The following SUSD1 variants were observed in gnomAD, a reference collection of about 807,000 sequenced individuals.
SUSD1 encodes the protein sushi domain-containing protein 1.
In SUSD1, 65 loss-of-function variants were observed where a neutral mutation model predicts 86.9. The ratio of observed to expected loss-of-function variants is 0.75; its 90% CI spans 0.61 to 0.92. SUSD1 has a LOEUF of 0.92. Ranked by LOEUF, SUSD1 falls within the 40% of genes least tolerant of loss-of-function variation. SUSD1 has a pLI of 0.00. For synonymous variants in SUSD1, 346 were observed against 350.0 expected, an observed-to-expected ratio of 0.99 and a Z score of 0.13; for missense variants, 850 against 929.7, an observed-to-expected ratio of 0.91 and a Z score of 1.11.
chr9:112,153,612 C>CT lies in SUSD1; in HGVS notation c.217+3887dup, dbSNP rs373913503. 8.1e-3 allele frequency among the ~76,000 whole-genome samples: 1,058 copies of CT among 130,586 alleles called. 19 individuals are homozygous for CT. Among genetic ancestry groups the CT allele is most frequent in the African/African-American group, 0.022 (748 of 34,250 alleles). The allele number at this position is 130,586 out of a possible 152,430, so 85.7% of individuals were successfully genotyped here. On this transcript the variant is annotated intron_variant, in intron 2 of 16. Transcript: ENST00000374270. ...TCATTTTCAAGTATTACATACTATA[C>CT]TTTTTTTTTTTTTTTTTTGAGACGG... is the stretch of plus-strand genomic sequence containing the variant.
intron 8 of SUSD1, among the ~76,000 whole-genome samples, chr9:112,107,706 T>C (rs1265820634): frequency 6.6e-6 from 1 of 152,152 alleles, no homozygotes; most frequent in Non-Finnish European, 1.5e-5. Context: ...CAACATATAA[T>C]TCAAGGCAAA....
At chr9:112,089,120 T>C (rs1458455397) in intron 10 of SUSD1, among the ~76,000 whole-genome samples, 1 of 150,912 alleles carries the variant, frequency 6.6e-6, no homozygotes. Context: ...AACAAACAAA[T>C]AAACAAACAA....
chr9:112,168,113 T>C (rs1263803049), intron 1 of SUSD1, among the ~76,000 whole-genome samples: 2 of 152,158 alleles, frequency 1.3e-5, no homozygotes, highest in Non-Finnish European at 2.9e-5. Flanking sequence ...AGCCAAACCA[T>C]ATCAATGAGT....
At chr9:112,149,927 G>T (rs1832972737) in intron 2 of SUSD1, among the ~76,000 whole-genome samples, 1 of 152,230 alleles carries the variant, frequency 6.6e-6, no homozygotes, top group South Asian at 2.1e-4. Flanking sequence ...AATGGTCAAT[G>T]ACCTGTGGTG....
intron 14 of SUSD1, among the ~76,000 whole-genome samples, chr9:112,053,984 G>T (rs991562538): frequency 6.6e-6 from 1 of 152,220 alleles, no homozygotes; most frequent in Non-Finnish European, 1.5e-5. Flanking sequence ...TGATGATCTG[G>T]ATAAGAAGGT....
chr9:112,149,738 T>C (rs1250638776), intron 2 of SUSD1, among the ~76,000 whole-genome samples: 1 of 152,160 alleles, frequency 6.6e-6, no homozygotes, highest in Non-Finnish European at 1.5e-5. Context: ...ACCAGCAGAA[T>C]TCCCCTTTTC....
intron 1 of SUSD1, chr9:112,174,012 G>T: frequency 6.1e-6 from 1 of 164,504 alleles, no homozygotes; most frequent in South Asian, 1.4e-4. Context: ...GCCTAGAACT[G>T]GCTAGACCCA....
rs1832939470 is a variant in SUSD1 at position 112,149,237 on chromosome 9, T to TGA, written c.373+5_373+6dup. 1.9e-6 allele frequency: 3 copies of TGA among 1,613,976 alleles called. No individual in the cohort carries two copies. The highest frequency in any genetic ancestry group is 2.5e-6 in the Non-Finnish European group (3 of 1,179,874). On this transcript the variant is annotated splice_region_variant and intron_variant, in intron 3 of 16. Coordinates refer to ENST00000374270, the MANE Select transcript of SUSD1 (RefSeq NM_022486.5). The stretch of plus-strand genomic sequence containing the variant: ...ATTGTCAACACCGCAGCCCCCTTCT[T>TGA]GAGTACCTGTACAAAAGGTGCCATC...
chr9:112,174,710 T>G (rs1432344472), intron 1 of SUSD1, among the ~76,000 whole-genome samples: 1 of 152,104 alleles, frequency 6.6e-6, no homozygotes, highest in Non-Finnish European at 1.5e-5. Flanking sequence ...GAAAATTGCT[T>G]CGGGTCAAAA....
At chr9:112,097,312 G>A (rs1028011115) in intron 10 of SUSD1, among the ~76,000 whole-genome samples, 2 of 150,328 alleles carry the variant, frequency 1.3e-5, no homozygotes, top group Non-Finnish European at 3.0e-5. Flanking sequence ...GTGACAGAGC[G>A]AGACTCCATC....
intron 12 of SUSD1, among the ~76,000 whole-genome samples, chr9:112,073,675 G>T (rs868158382): frequency 1.3e-5 from 2 of 152,090 alleles, no homozygotes; most frequent in Middle Eastern, 3.4e-3. Flanking sequence ...ATCACTTGAG[G>T]TCAGGAGTTT....
intron 10 of SUSD1, among the ~76,000 whole-genome samples, chr9:112,091,251 C>T (rs1429893): frequency 0.64 from 97,693 of 152,088 alleles, 32,137 homozygotes; most frequent in East Asian, 0.78. Flanking sequence ...ATATTTATCA[C>T]TCTGTGGAAA....
rs1372546837 is a variant in SUSD1, at chr9:112,104,748, G to T, written c.1172-2463C>A. The T allele has an allele frequency of 2.0e-5, 3 of 152,140 alleles. No individual in the cohort carries two copies. The East Asian group carries it at 5.8e-4, about 29-fold the overall frequency. The allele number at this position is 152,140 out of a possible 1,614,324, so 9.4% of individuals were successfully genotyped here. ...ACTAACATTATCCAATGAAAAGGAG[G>T]ATCAAAGGGAAGGCCATCCATTTTA... On this transcript the variant is annotated intron_variant, in intron 8 of 16. Coordinates refer to ENST00000374270, the MANE Select transcript of SUSD1 (RefSeq NM_022486.5).
At position 112,143,542 on chromosome 9, in the gene SUSD1, C is replaced by T; in HGVS notation, c.455G>A (p.Cys152Tyr). 6 of 1,614,102 alleles carry T rather than the reference C, an allele frequency of 3.7e-6. No individual in the cohort carries two copies. Among genetic ancestry groups the T allele is most frequent in the Non-Finnish European group, 5.1e-6 (6 of 1,180,026 alleles). Residue 152 changes from cysteine (C) to tyrosine (Y), a missense_variant, in exon 4 of 17, where the codon TGT becomes TAT. Physicochemically the swap from Cys to Tyr is radical, Grantham distance 194. Coordinates refer to ENST00000374270, the MANE Select transcript of SUSD1 (RefSeq NM_022486.5). ...ATTCCTTGGCAAGTATCCATCCATA[C>T]AGTAGCATTCAAAGCTCCCATGAGT... Reference protein sequence around the residue: ...VNTHGSFECYCMDGYLPRNGP... With the variant: ...VNTHGSFECYYMDGYLPRNGP...
chr9:112,157,480 A>G lies in SUSD1; in HGVS notation c.217+20T>C, dbSNP rs763367795. 1 of 1,558,750 alleles carries G rather than the reference A, an allele frequency of 6.4e-7. No individual in the cohort carries two copies. Among genetic ancestry groups the G allele is most frequent in the Non-Finnish European group, 8.8e-7 (1 of 1,132,568 alleles). Reference sequence around the variant, plus strand: ...TTTCTCGATTCAGCTTTTCAACTTAACCCAGAGTTCAGAACTTACCAACAC... The same window carrying G: ...TTTCTCGATTCAGCTTTTCAACTTAGCCCAGAGTTCAGAACTTACCAACAC... On this transcript the variant is annotated intron_variant, in intron 2 of 16. Coordinates refer to ENST00000374270, the MANE Select transcript of SUSD1 (RefSeq NM_022486.5).
intron 5 of SUSD1, among the ~76,000 whole-genome samples, chr9:112,125,545 A>AG (rs1299586056): frequency 1.3e-5 from 2 of 152,106 alleles, no homozygotes; most frequent in Non-Finnish European, 2.9e-5. Flanking sequence ...GCAGAAAGAA[A>AG]AAAAAAATCT....
intron 6 of SUSD1, among the ~76,000 whole-genome samples, chr9:112,123,735 G>A (rs924330748): frequency 3.9e-5 from 6 of 152,160 alleles, no homozygotes; most frequent in Admixed American, 3.9e-4. Flanking sequence ...TGCAACCCAG[G>A]AGGTGGAGGT....
chr9:112,159,678 A>G (rs1833483679), intron 1 of SUSD1, among the ~76,000 whole-genome samples: 2 of 152,234 alleles, frequency 1.3e-5, no homozygotes, highest in African/African-American at 4.8e-5. Context: ...GACAAAGGGA[A>G]TATCAAAATT....
At chr9:112,152,751 C>CTTTTTTTTTTTTTTTTTTT (rs71382410) in intron 2 of SUSD1, among the ~76,000 whole-genome samples, 1 of 87,478 alleles carries the variant, frequency 1.1e-5, no homozygotes, top group Non-Finnish European at 2.1e-5. Context: ...TTTTTTTAAT[C>CTTTTTTTTTTTTTTTTTTT]TTTTTTTTTT....
Sources: gnomAD v4.1 joint callset for allele counts (sites outside exome capture counted in the v4.1 genomes callset) on GRCh38, gnomAD v4.1.1 for gene constraint, MANE v1.5 for transcripts, NCBI Gene and HGNC (gene_info 2026-07-23, HGNC 2026-07-21) for gene names.